Variants in RFTN1 observed in about 807,000 individuals in gnomAD.
The protein encoded by RFTN1 is raftlin.
RFTN1 carries 26 observed loss-of-function variants against 46.5 expected under a neutral mutation model. That is an observed-to-expected ratio of 0.56 (90% CI 0.41 to 0.78). RFTN1 has a LOEUF of 0.78. Among genes scored for constraint, RFTN1 ranks in the 30% least tolerant of loss-of-function variants. The pLI is 0.00. For synonymous variants in RFTN1, 261 were observed against 284.2 expected (o/e 0.92, Z 0.82); for missense variants, 693 against 718.7 (o/e 0.96, Z 0.41).
rs1222544245 is a variant in RFTN1 at position 16,342,931 on chromosome 3, C to G, written c.1146+15001G>C. On this transcript the variant is annotated intron_variant, in intron 7 of 9. Coordinates refer to ENST00000334133, the MANE Select transcript of RFTN1 (RefSeq NM_015150.2). This position sits in a 1 kb window ranked among gnomAD's most constrained non-coding sequence, Gnocchi z 4.0. Reference sequence around the variant, plus strand: ...CTCAGCTCACTGCAGCCTCAACCTCCCAGGCTCAAGTGAGCCTCCCACTAC... The same window carrying G: ...CTCAGCTCACTGCAGCCTCAACCTCGCAGGCTCAAGTGAGCCTCCCACTAC... Among the ~76,000 whole-genome samples, 1 of 152,192 alleles carries G rather than the reference C, an allele frequency of 6.6e-6. No homozygotes were observed. The highest frequency in any genetic ancestry group is 1.5e-5 in the Non-Finnish European group (1 of 68,022).
chr3:16,370,274 C>T lies in RFTN1; in HGVS notation c.832G>A (p.Glu278Lys), dbSNP rs1355649857. The T allele has an allele frequency of 3.7e-6, 6 of 1,613,852 alleles. No individual in the cohort carries two copies. The highest frequency in any genetic ancestry group is 5.1e-6 in the Non-Finnish European group (6 of 1,179,958). Residue 278 changes from glutamate to lysine, a missense_variant, in exon 6 of 10, where the codon GAG (glutamate) becomes AAG (lysine). Coordinates refer to ENST00000334133, the MANE Select transcript of RFTN1 (RefSeq NM_015150.2). This position sits in a 1 kb window ranked among gnomAD's most constrained non-coding sequence, Gnocchi z 5.5. ...VHEEPLSGKMEIFTLFNKPKS... is the reference protein window; with the variant it reads ...VHEEPLSGKMKIFTLFNKPKS... ...GGTTTGTTGAAAAGGGTGAAGATCT[C>T]CATTTCTGTTGGGATTTGTAAAGGG...
rs903234023 is a variant in RFTN1 at position 16,447,436 on chromosome 3, A to C, written c.146-13399T>G. Among the ~76,000 whole-genome samples, 1 of 152,196 alleles carries C rather than the reference A, an allele frequency of 6.6e-6. No homozygotes were observed. The highest frequency in any genetic ancestry group is 2.4e-5 in the African/African-American group (1 of 41,452). On this transcript the variant is annotated intron_variant, in intron 2 of 9. Coordinates refer to ENST00000334133, the MANE Select transcript of RFTN1 (RefSeq NM_015150.2). This position sits in a 1 kb window ranked among gnomAD's most constrained non-coding sequence, Gnocchi z 5.9. Reference sequence around the variant, plus strand: ...TGAGCAGCTCCGGCTCCATTAACCAATTTGCATGCAAAATCGACATCAGCA... The same window carrying C: ...TGAGCAGCTCCGGCTCCATTAACCACTTTGCATGCAAAATCGACATCAGCA...
At position 16,473,127 on chromosome 3, in the gene RFTN1, CGTACACACAT is replaced by C. The variant is rs1266810432; in HGVS notation, c.145+20588_145+20597del. On this transcript the variant is annotated intron_variant, in intron 2 of 9. Coordinates refer to ENST00000334133, the MANE Select transcript of RFTN1 (RefSeq NM_015150.2). This position sits in a 1 kb window ranked among gnomAD's most constrained non-coding sequence, Gnocchi z 5.3. The stretch of plus-strand genomic sequence containing the variant: ...TTTGGACAACCATGGTGTACACACA[CGTACACACAT>C]ACACAAACAGTACTTTCAGTCTGCA... Among the ~76,000 whole-genome samples the C allele has an allele frequency of 1.3e-5, 2 of 152,238 alleles. No homozygotes were observed. The highest frequency in any genetic ancestry group is 4.8e-5 in the African/African-American group (2 of 41,460).
chr3:16,488,100 C>CTT (rs11328637), intron 2 of RFTN1, among the ~76,000 whole-genome samples: 234 of 125,724 alleles, frequency 1.9e-3, no homozygotes, highest in African/African-American at 6.5e-3. Context: ...GTGATCCTGA[C>CTT]TTTTTTTTTT....
chr3:16,470,915 A>G (rs2076183882), intron 2 of RFTN1, among the ~76,000 whole-genome samples: 1 of 152,248 alleles, frequency 6.6e-6, no homozygotes, highest in Non-Finnish European at 1.5e-5. Flanking sequence ...TTAACAAACA[A>G]GAATTTCCAG....
At chr3:16,417,978 A>T (rs2075115469) in intron 3 of RFTN1, among the ~76,000 whole-genome samples, 2 of 152,156 alleles carry the variant, frequency 1.3e-5, no homozygotes, top group South Asian at 4.1e-4. Flanking sequence ...AAGTTCTGGG[A>T]TTACAGGTGT....
rs1432133332 is a variant in RFTN1, at chr3:16,346,285, C to T, written c.1146+11647G>A. 6.6e-6 allele frequency: 1 copy of T among 152,174 alleles called. No individual in the cohort carries two copies. Among genetic ancestry groups the T allele is most frequent in the African/African-American group, 2.4e-5 (1 of 41,428 alleles). 9.4% of individuals were successfully genotyped at this position (152,174 alleles called of 1,614,324 possible). On this transcript the variant is annotated intron_variant, in intron 7 of 9. Transcript: ENST00000334133. The surrounding 1 kb of genome is among the most constrained non-coding windows in gnomAD (Gnocchi z 4.4). ...CACAGTGGCTGACACACAGTAGGAA[C>T]TCAATATTTATTTGTTGGATAAATT...
rs1337692238 is a variant in RFTN1, at chr3:16,465,709, T to A, written c.145+28016A>T. Reference sequence around the variant, plus strand: ...TATCACACCCACCAAAAAGACCTGCTGGGGACAGCTAATCTTTTTCTTTTC... The same window carrying A: ...TATCACACCCACCAAAAAGACCTGCAGGGGACAGCTAATCTTTTTCTTTTC... On this transcript the variant is annotated intron_variant, in intron 2 of 9. Transcript: ENST00000334133. This position sits in a 1 kb window ranked among gnomAD's most constrained non-coding sequence, Gnocchi z 5.1. 1.3e-5 allele frequency among the ~76,000 whole-genome samples: 2 copies of A among 152,176 alleles called. No individual in the cohort carries two copies. Among genetic ancestry groups the A allele is most frequent in the African/African-American group, 2.4e-5 (1 of 41,452 alleles).
In RFTN1 at chr3:16,413,123, A is replaced by G. The variant is rs1392895378; in HGVS notation, c.333-3640T>C. Among the ~76,000 whole-genome samples, 2 of 152,264 alleles carry G rather than the reference A, an allele frequency of 1.3e-5. No homozygotes were observed. Among genetic ancestry groups the G allele is most frequent in the Non-Finnish European group, 2.9e-5 (2 of 68,044 alleles). On this transcript the variant is annotated intron_variant, in intron 3 of 9. Transcript: ENST00000334133. The surrounding 1 kb of genome is among the most constrained non-coding windows in gnomAD (Gnocchi z 4.7). ...AACTAATACCAAAAAAAGAAAACAG[A>G]AAACTAACACAGTTCCTGAGGAGGA...
chr3:16,377,425 C>T (rs572801027), intron 5 of RFTN1, among the ~76,000 whole-genome samples: 122 of 152,272 alleles, frequency 8.0e-4, no homozygotes, highest in African/African-American at 2.7e-3. Context: ...AGGGCAATTT[C>T]GAGAGCACAG....
Position 16,433,802 on chromosome 3 carries a change from A to C in RFTN1, c.332+49T>G. ...TCTCACTTCCCCTCCTCTATTGAGC[A>C]TAACTTAGCCGCAACAGGATGCTAC... On this transcript the variant is annotated intron_variant, in intron 3 of 9. Transcript: ENST00000334133. The surrounding 1 kb of genome is among the most constrained non-coding windows in gnomAD (Gnocchi z 4.4). 6.3e-7 allele frequency: 1 copy of C among 1,590,322 alleles called. No individual in the cohort carries two copies. The highest frequency in any genetic ancestry group is 2.2e-5 in the East Asian group (1 of 44,796).
rs764579467 is a variant in RFTN1, at chr3:16,341,340, A to G, written c.1147-14464T>C. On this transcript the variant is annotated intron_variant, in intron 7 of 9. Coordinates refer to ENST00000334133, the MANE Select transcript of RFTN1 (RefSeq NM_015150.2). This position sits in a 1 kb window ranked among gnomAD's most constrained non-coding sequence, Gnocchi z 4.7. ...ATAAGCTGAAAACTTTTGTCCACAC[A>G]GAAACCTACACATGGCTGTTTATAG... Among the ~76,000 whole-genome samples, 17 of 152,252 alleles carry G rather than the reference A, an allele frequency of 1.1e-4. No individual in the cohort carries two copies. Among genetic ancestry groups the G allele is most frequent in the African/African-American group, 2.2e-4 (9 of 41,468 alleles).
intron 4 of RFTN1, among the ~76,000 whole-genome samples, chr3:16,398,244 CAAAAAAAAAAAAAAA>C (rs202032095): frequency 2.7e-5 from 3 of 110,852 alleles, no homozygotes; most frequent in Non-Finnish European, 6.3e-5. Context: ...AAGACTGTCT[CAAAAAAAAAAAAAAA>C]AAAAAAAAAA....
In RFTN1 at chr3:16,383,113, A is replaced by T. The variant is rs981664820; in HGVS notation, c.442-5011T>A. ...GCTTAAGACATTCTGTGACTGGTCA[A>T]ACCTCACAGAACTACCCAAAGCCAT... On this transcript the variant is annotated intron_variant, in intron 4 of 9. Transcript: ENST00000334133. The surrounding 1 kb of genome is among the most constrained non-coding windows in gnomAD (Gnocchi z 4.0). Among the ~76,000 whole-genome samples the T allele has an allele frequency of 6.6e-6, 1 of 152,206 alleles. No individual in the cohort carries two copies. The highest frequency in any genetic ancestry group is 2.4e-5 in the African/African-American group (1 of 41,444).
At chr3:16,441,040 T>G (rs1479136473) in intron 2 of RFTN1, among the ~76,000 whole-genome samples, 1 of 152,184 alleles carries the variant, frequency 6.6e-6, no homozygotes, top group Non-Finnish European at 1.5e-5. Flanking sequence ...TATTTCCTAA[T>G]TCCTCTTTTT....
intron 3 of RFTN1, among the ~76,000 whole-genome samples, chr3:16,414,537 G>T (rs1389593871): frequency 6.6e-6 from 1 of 151,100 alleles, no homozygotes; most frequent in Non-Finnish European, 1.5e-5. Flanking sequence ...CTGGGAGGCG[G>T]AGGTTGCAGT....
chr3:16,331,170 A>G (rs1046174361), intron 7 of RFTN1, among the ~76,000 whole-genome samples: 4 of 152,186 alleles, frequency 2.6e-5, no homozygotes, highest in East Asian at 1.9e-4. Context: ...CCTTTCACCA[A>G]TTAGGGTATG....
chr3:16,357,927 C>T lies in RFTN1; in HGVS notation c.1146+5G>A. The T allele has an allele frequency of 6.3e-7, 1 of 1,589,148 alleles. No individual in the cohort carries two copies. Among genetic ancestry groups the T allele is most frequent in the Non-Finnish European group, 8.6e-7 (1 of 1,158,106 alleles). Reference sequence around the variant, plus strand: ...AAGAAGCGGGGCTGCCAACCCCACACTTACTTCCAGGACTGTCCATTGTTC... The same window carrying T: ...AAGAAGCGGGGCTGCCAACCCCACATTTACTTCCAGGACTGTCCATTGTTC... On this transcript the variant is annotated splice_donor_5th_base_variant and intron_variant, in intron 7 of 9. Coordinates refer to ENST00000334133, the MANE Select transcript of RFTN1 (RefSeq NM_015150.2).
Position 16,324,618 on chromosome 3 carries a change from C to G in RFTN1, c.1251-1161G>C, listed in dbSNP as rs568594583. ...TAAATAACAGAATGTCCCTGACCCC[C>G]CCCCTTTTAAGGTTGCATAGTATTC... On this transcript the variant is annotated intron_variant, in intron 8 of 9. Coordinates refer to ENST00000334133, the MANE Select transcript of RFTN1 (RefSeq NM_015150.2). Among the ~76,000 whole-genome samples the G allele has an allele frequency of 3.3e-4, 47 of 144,124 alleles. 3 individuals carry two copies. Among genetic ancestry groups the G allele is most frequent in the South Asian group, 6.7e-4 (3 of 4,450 alleles). The allele number at this position is 144,124 out of a possible 152,430, so 94.6% of individuals were successfully genotyped here. A position where few individuals can be genotyped will look rare whatever the true frequency, so the allele number is the denominator to read the frequency against.
Sources: allele counts gnomAD v4.1 joint callset (sites outside exome capture counted in the v4.1 genomes callset), GRCh38; gene constraint gnomAD v4.1.1; non-coding constraint Gnocchi (gnomAD v3.1); transcripts MANE v1.5; gene names NCBI Gene and HGNC (gene_info 2026-07-23, HGNC 2026-07-21).